The following CTNNA3 variants were observed in gnomAD, a reference collection of about 807,000 sequenced individuals.
CTNNA3 encodes catenin alpha 3, also known as catenin alpha-3.
In CTNNA3, 76 loss-of-function variants were observed where a neutral mutation model predicts 95.7. The observed-to-expected ratio is 0.79, with a 90% CI of 0.66 to 0.96. CTNNA3 has a LOEUF of 0.96. Ranked by LOEUF, CTNNA3 falls within the 40% of genes least tolerant of loss-of-function variation. The probability of loss-of-function intolerance (pLI) is 0.00; values close to 1 mark genes in which losing one functional copy is unlikely to be tolerated. For missense variants in CTNNA3, 1,191 were observed against 1,089.8 expected (o/e 1.09, Z -1.31); for synonymous variants, 431 against 374.4 (o/e 1.15, Z -1.74).
At position 66,670,661 on chromosome 10, in the gene CTNNA3, G is replaced by T. The variant is rs548247604; in HGVS notation, c.1282-48877C>A. Among the ~76,000 whole-genome samples the T allele has an allele frequency of 2.8e-4, 42 of 152,186 alleles. 1 individual carries two copies. The highest frequency in any genetic ancestry group is 3.4e-3 in the Middle Eastern group (1 of 294). On this transcript the variant is annotated intron_variant, in intron 9 of 17. Coordinates refer to ENST00000433211, the MANE Select transcript of CTNNA3 (RefSeq NM_013266.4). ...CATTGATCTCACCTGGATAATCTAGGCTAATCTCCTTTTTCTTTAAACGTC... is the reference window on the plus strand; with the variant it reads ...CATTGATCTCACCTGGATAATCTAGTCTAATCTCCTTTTTCTTTAAACGTC...
intron 5 of CTNNA3, among the ~76,000 whole-genome samples, chr10:67,370,586 A>G (rs1843388801): frequency 6.6e-6 from 1 of 152,190 alleles, no homozygotes; most frequent in South Asian, 2.1e-4. Context: ...TCTGTAGGTT[A>G]GGAATGCATA....
At chr10:66,327,840 G>C (rs367619629) in intron 12 of CTNNA3, among the ~76,000 whole-genome samples, 3 of 152,004 alleles carry the variant, frequency 2.0e-5, no homozygotes, top group Admixed American at 6.5e-5. Flanking sequence ...TAAACACTAT[G>C]TATTTGTTTC....
chr10:66,885,201 C>T (rs1410869847), intron 7 of CTNNA3, among the ~76,000 whole-genome samples: 1 of 152,078 alleles, frequency 6.6e-6, no homozygotes, highest in Non-Finnish European at 1.5e-5. Context: ...AAGCTTGTTT[C>T]TGTAATAGTT....
chr10:66,726,565 G>T (rs1848788387), intron 9 of CTNNA3, among the ~76,000 whole-genome samples: 1 of 152,026 alleles, frequency 6.6e-6, no homozygotes, highest in South Asian at 2.1e-4. Flanking sequence ...AAACTGGAAA[G>T]CATTTAGACA....
chr10:66,718,857 A>G (rs10997352), intron 9 of CTNNA3, among the ~76,000 whole-genome samples: 3,631 of 152,212 alleles, frequency 0.024, 183 homozygotes, highest in East Asian at 0.22. Context: ...TTGTTATGTC[A>G]CTGACAATTG....
At chr10:67,038,512 G>A (rs981016016) in intron 7 of CTNNA3, among the ~76,000 whole-genome samples, 1 of 152,058 alleles carries the variant, frequency 6.6e-6, no homozygotes. Flanking sequence ...TGAAAATGAG[G>A]TTGATATATA....
chr10:66,406,935 T>A (rs1382484808), intron 11 of CTNNA3, among the ~76,000 whole-genome samples: 1 of 152,168 alleles, frequency 6.6e-6, no homozygotes, highest in African/African-American at 2.4e-5. Flanking sequence ...ATTTCTTAAG[T>A]TTTAAAAGGT....
At chr10:67,519,113 A>C (rs1172319810) in intron 5 of CTNNA3, among the ~76,000 whole-genome samples, 2 of 152,140 alleles carry the variant, frequency 1.3e-5, no homozygotes, top group African/African-American at 4.8e-5. Flanking sequence ...GCAGGCACTC[A>C]CTCTTTTAAA....
At chr10:67,163,375 T>C (rs1861629813) in intron 7 of CTNNA3, among the ~76,000 whole-genome samples, 1 of 152,030 alleles carries the variant, frequency 6.6e-6, no homozygotes, top group Non-Finnish European at 1.5e-5. Flanking sequence ...TATGATTATG[T>C]AAATTGATGC....
intron 11 of CTNNA3, among the ~76,000 whole-genome samples, chr10:66,483,024 A>C (rs1305579454): frequency 6.6e-6 from 1 of 152,150 alleles, no homozygotes; most frequent in Non-Finnish European, 1.5e-5. Context: ...GGAGATAAAG[A>C]AGGACGTTTT....
chr10:66,032,532 A>G (rs527262892), intron 15 of CTNNA3, among the ~76,000 whole-genome samples: 37 of 152,308 alleles, frequency 2.4e-4, no homozygotes, highest in African/African-American at 8.2e-4. Context: ...GGGCAATGAC[A>G]GACATGGAAA....
chr10:65,978,376 C>T (rs1264456869), intron 16 of CTNNA3, among the ~76,000 whole-genome samples: 5 of 151,826 alleles, frequency 3.3e-5, no homozygotes. Flanking sequence ...ATGAATGTTT[C>T]CTCTTAGATT....
At chr10:66,617,243 AT>A (rs1844550783) in intron 10 of CTNNA3, among the ~76,000 whole-genome samples, 1 of 152,014 alleles carries the variant, frequency 6.6e-6, no homozygotes, top group African/African-American at 2.4e-5. Context: ...TGGAGGAGTG[AT>A]TTAGGGAGAA....
intron 17 of CTNNA3, among the ~76,000 whole-genome samples, chr10:65,945,709 C>T (rs1349019740): frequency 1.3e-5 from 2 of 152,078 alleles, no homozygotes; most frequent in African/African-American, 2.4e-5. Context: ...TTCCTTGTAC[C>T]TTAGCTCTCT....
At chr10:66,039,927 A>G (rs1053340244) in intron 15 of CTNNA3, among the ~76,000 whole-genome samples, 4 of 152,134 alleles carry the variant, frequency 2.6e-5, no homozygotes, top group Non-Finnish European at 4.4e-5. Flanking sequence ...AACAGAATAA[A>G]CAGATAACCT....
At chr10:66,569,257 C>T (rs1246749560) in intron 10 of CTNNA3, among the ~76,000 whole-genome samples, 5 of 152,098 alleles carry the variant, frequency 3.3e-5, no homozygotes, top group African/African-American at 1.2e-4. Context: ...TTAGCTGCGC[C>T]AGCCTTTTGC....
intron 15 of CTNNA3, among the ~76,000 whole-genome samples, chr10:66,029,722 T>C (rs934948312): frequency 1.3e-5 from 2 of 152,176 alleles, no homozygotes; most frequent in Admixed American, 1.3e-4. Context: ...ACATTTGTAG[T>C]TTTCACTCAT....
intron 5 of CTNNA3, among the ~76,000 whole-genome samples, chr10:67,278,185 G>A (rs1417807143): frequency 6.6e-6 from 1 of 152,126 alleles, no homozygotes; most frequent in East Asian, 1.9e-4. Context: ...ACAGTAATTT[G>A]TTATGGAATG....
intron 13 of CTNNA3, among the ~76,000 whole-genome samples, chr10:66,239,735 C>A (rs1415362391): frequency 6.6e-6 from 1 of 151,632 alleles, no homozygotes; most frequent in East Asian, 1.9e-4. Flanking sequence ...TTTTCGTATT[C>A]TCTTTCAACT....
Sources: allele counts gnomAD v4.1 joint callset (sites outside exome capture counted in the v4.1 genomes callset), GRCh38; gene constraint gnomAD v4.1.1; transcripts MANE v1.5; gene names NCBI Gene and HGNC (gene_info 2026-07-23, HGNC 2026-07-21).